The following PANK2 variants were observed in gnomAD, a reference collection of about 807,000 sequenced individuals.
PANK2 encodes pantothenate kinase 2, mitochondrial.
A neutral mutation model predicts 43.1 loss-of-function variants in PANK2; 36 were observed. The observed-to-expected ratio is 0.84, with a 90% CI of 0.64 to 1.10. PANK2 has a LOEUF of 1.10. Among genes scored for constraint, PANK2 ranks in the 50% least tolerant of loss-of-function variants. PANK2 has a pLI of 0.00. For synonymous variants in PANK2, 281 were observed against 238.2 expected, an observed-to-expected ratio of 1.18 and a Z score of -1.66; for missense variants, 576 against 593.3, an observed-to-expected ratio of 0.97 and a Z score of 0.30.
Position 3,895,858 on chromosome 20 carries a change from T to C in PANK2, c.298+6130T>C, listed in dbSNP as rs879592335. Among the ~76,000 whole-genome samples, 8 of 152,320 alleles carry C rather than the reference T, an allele frequency of 5.3e-5. No homozygotes were observed. In the East Asian group the frequency reaches 1.3e-3, roughly 26 times the overall value. On this transcript the variant is annotated intron_variant, in intron 1 of 6. Coordinates refer to ENST00000610179, the MANE Select transcript of PANK2 (RefSeq NM_001386393.1). Reference sequence around the variant, plus strand: ...TTGCTGATTTTACGGTATGTGGTCTTTTATAAGTATCTAGTCCCTGAGTTT... The same window carrying C: ...TTGCTGATTTTACGGTATGTGGTCTCTTATAAGTATCTAGTCCCTGAGTTT...
At chr20:3,922,457 C>T (rs560918674) in intron 6 of PANK2, among the ~76,000 whole-genome samples, 2 of 152,344 alleles carry the variant, frequency 1.3e-5, no homozygotes, top group South Asian at 4.1e-4. Flanking sequence ...GCTGCCCTCC[C>T]TCGGGAGCCT....
At chr20:3,923,178 C>G (rs2090673571) in intron 6 of PANK2, 66 bp from the exon 7 acceptor site, 13 of 1,561,600 alleles carry the variant, frequency 8.3e-6, no homozygotes, top group African/African-American at 1.4e-5. Context: ...CACTAGTCAT[C>G]ATGTGTAAGG....
At chr20:3,896,775 G>T (rs1381208793) in intron 1 of PANK2, among the ~76,000 whole-genome samples, 1 of 152,142 alleles carries the variant, frequency 6.6e-6, no homozygotes, top group African/African-American at 2.4e-5. Context: ...CAGAAGTTCC[G>T]TGTCCCTCCC....
intron 4 of PANK2, among the ~76,000 whole-genome samples, chr20:3,916,486 C>T (rs943899734): frequency 2.6e-5 from 4 of 152,188 alleles, no homozygotes; most frequent in African/African-American, 9.6e-5. Flanking sequence ...AAGCAGCTCA[C>T]TCTGGGACTC....
chr20:3,901,598 A>G, intron 1 of PANK2: 2 of 982,204 alleles, frequency 2.0e-6, no homozygotes, highest in Non-Finnish European at 2.4e-6. Flanking sequence ...TCCCTCTTCA[A>G]CTTCCTATGT....
At chr20:3,889,098 T>C (rs1236855311), upstream of PANK2, 36 of 1,519,572 alleles carry the variant, frequency 2.4e-5, no homozygotes, top group Non-Finnish European at 2.9e-5. Flanking sequence ...AAGGAGGGGG[T>C]GGATGAGGAG....
At position 3,889,481 on chromosome 20, in the gene PANK2, C is replaced by G. The variant is rs1467534562; in HGVS notation, c.51C>G (p.Gly17=). 2 of 1,493,760 alleles carry G rather than the reference C, an allele frequency of 1.3e-6. No individual in the cohort carries two copies. The highest frequency in any genetic ancestry group is 1.8e-6 in the Non-Finnish European group (2 of 1,131,166). The allele number at this position is 1,493,760 out of a possible 1,614,324, so 92.5% of individuals were successfully genotyped here. A position where few individuals can be genotyped will look rare whatever the true frequency, so the allele number is the denominator to read the frequency against. Reference sequence around the variant, plus strand: ...GACTGCTGCTGCGGATGGGAGGGGGCCGGCTCGGCGCGCCCATGGAGCGCC... The same window carrying G: ...GACTGCTGCTGCGGATGGGAGGGGGGCGGCTCGGCGCGCCCATGGAGCGCC... The change falls in exon 1 of 7, where the codon GGC becomes GGG. Residue 17 remains glycine, a synonymous_variant. Transcript: ENST00000610179.
chr20:3,912,283 T>C (rs920973028), intron 3 of PANK2, among the ~76,000 whole-genome samples, 175 bp from the exon 4 acceptor site: 1 of 152,234 alleles, frequency 6.6e-6, no homozygotes, highest in African/African-American at 2.4e-5. Context: ...CACATGCATA[T>C]GTACCTTAAA....
intron 3 of PANK2, 137 bp from the exon 4 acceptor site, chr20:3,912,321 A>G (rs1182239442): frequency 3.2e-6 from 3 of 932,836 alleles, no homozygotes; most frequent in Non-Finnish European, 5.1e-6. Context: ...TTATCTTTTC[A>G]CAGACTTGTT....
At chr20:3,897,217 T>G (rs556031195) in intron 1 of PANK2, among the ~76,000 whole-genome samples, 1 of 152,330 alleles carries the variant, frequency 6.6e-6, no homozygotes, top group Admixed American at 6.5e-5. Flanking sequence ...TTTCAGTCGT[T>G]GAGACCTATT....
chr20:3,923,147 G>C, intron 6 of PANK2, 97 bp from the exon 7 acceptor site: 1 of 1,364,840 alleles, frequency 7.3e-7, no homozygotes, highest in South Asian at 1.2e-5. Context: ...TATGCTGTGT[G>C]TGGGCAGTGG....
rs35978823 is a variant in PANK2 at position 3,896,229 on chromosome 20, A to ATTT, written c.298+6521_298+6523dup. On this transcript the variant is annotated intron_variant, in intron 1 of 6. Transcript: ENST00000610179. ...AGGTGCCCGCCACCACGCCTGGCTA[A>ATTT]TTTTTTTTTTTTTTTTTTTTTTGTA... Among the ~76,000 whole-genome samples the ATTT allele has an allele frequency of 6.3e-5, 7 of 111,932 alleles. 1 individual carries two copies. The East Asian group carries it at 1.0e-3, about 17-fold the overall frequency. The allele number at this position is 111,932 out of a possible 152,430, so 73.4% of individuals were successfully genotyped here.
At chr20:3,923,027 G>C (rs565535058) in intron 6 of PANK2, among the ~76,000 whole-genome samples, 14 of 152,274 alleles carry the variant, frequency 9.2e-5, no homozygotes, top group Middle Eastern at 3.4e-3. Context: ...ACAGTGGTCT[G>C]AAGTGCTTGG....
intron 2 of PANK2, 26 bp from the exon 3 acceptor site, chr20:3,910,551 C>G (rs762200817): frequency 6.2e-7 from 1 of 1,613,764 alleles, no homozygotes; most frequent in Non-Finnish European, 8.5e-7. Flanking sequence ...ATTAAAAAGT[C>G]TGAGTACATT....
intron 3 of PANK2, among the ~76,000 whole-genome samples, chr20:3,911,752 G>C (rs541431617): frequency 6.6e-6 from 1 of 152,122 alleles, no homozygotes; most frequent in Non-Finnish European, 1.5e-5. Context: ...TTAGCCGGGC[G>C]TGGTGGCACA....
chr20:3,915,444 C>A (rs758779141), intron 4 of PANK2, among the ~76,000 whole-genome samples: 1 of 151,948 alleles, frequency 6.6e-6, no homozygotes, highest in Non-Finnish European at 1.5e-5. Context: ...GACTACAGTG[C>A]GTGCCGCCAC....
At chr20:3,889,986 CCTTTT>C in intron 1 of PANK2, 1 of 1,432,186 alleles carries the variant, frequency 7.0e-7, no homozygotes, top group Non-Finnish European at 9.4e-7. Flanking sequence ...ACCTGTCCTC[CCTTTT>C]CTTAGCTCCT....
intron 4 of PANK2, among the ~76,000 whole-genome samples, chr20:3,913,423 A>T (rs942233829): frequency 2.0e-5 from 3 of 151,810 alleles, no homozygotes; most frequent in African/African-American, 7.3e-5. Context: ...GGCTCACCAC[A>T]ACCCCCACCT....
In PANK2 at chr20:3,928,344, TGGACAGAGGCACTGG is replaced by T. The variant is rs1045829415; in HGVS notation, c.*5052_*5066del. The T allele has an allele frequency of 2.0e-5, 3 of 152,096 alleles. No individual in the cohort carries two copies. The highest frequency in any genetic ancestry group is 2.0e-4 in the Admixed American group (3 of 15,244). The allele number at this position is 152,096 out of a possible 1,614,324, so 9.4% of individuals were successfully genotyped here. A position where few individuals can be genotyped will look rare whatever the true frequency, so the allele number is the denominator to read the frequency against. On this transcript the variant is annotated 3_prime_UTR_variant, in exon 7 of 7. Coordinates refer to ENST00000610179, the MANE Select transcript of PANK2 (RefSeq NM_001386393.1). Reference sequence around the variant, plus strand: ...GGCAAGTACACCAGGGAGGTGGGTGTGGACAGAGGCACTGGGCAGCTGCTGGGAAGCGAGGCACAA... The same window carrying T: ...GGCAAGTACACCAGGGAGGTGGGTGTGCAGCTGCTGGGAAGCGAGGCACAA...
Sources: gnomAD v4.1 joint callset for allele counts (sites outside exome capture counted in the v4.1 genomes callset) on GRCh38, gnomAD v4.1.1 for gene constraint, MANE v1.5 for transcripts, NCBI Gene and HGNC (gene_info 2026-07-23, HGNC 2026-07-21) for gene names.